Variants in CA10 observed in about 807,000 individuals in gnomAD.
The protein encoded by CA10 is carbonic anhydrase-related protein 10.
Under a neutral mutation model 44.2 loss-of-function variants are expected in CA10, and 14 were observed. The observed-to-expected ratio is 0.32, with a 90% CI of 0.21 to 0.50. The LOEUF is 0.50. Ranked by LOEUF, CA10 falls within the 20% of genes least tolerant of loss-of-function variation. CA10 has a pLI of 0.99. For missense variants in CA10, 350 were observed against 409.7 expected, an observed-to-expected ratio of 0.85 and a Z score of 1.26; for synonymous variants, 159 against 141.6, an observed-to-expected ratio of 1.12 and a Z score of -0.87.
At chr17:51,650,922 A>G (rs183453697) in intron 5 of CA10, among the ~76,000 whole-genome samples, 1 of 152,350 alleles carries the variant, frequency 6.6e-6, no homozygotes, top group East Asian at 1.9e-4. Context: ...TGTACTTGGT[A>G]TAAGTGAGCT....
At chr17:51,900,218 G>A (rs1485294147) in intron 3 of CA10, among the ~76,000 whole-genome samples, 1 of 152,094 alleles carries the variant, frequency 6.6e-6, no homozygotes, top group African/African-American at 2.4e-5. Context: ...TATAAGGCAG[G>A]TCTGGAAGTA....
chr17:51,664,038 G>A (rs1467125884), intron 4 of CA10, among the ~76,000 whole-genome samples: 1 of 152,166 alleles, frequency 6.6e-6, no homozygotes, highest in Non-Finnish European at 1.5e-5. Context: ...TTTGTCCCAT[G>A]AGAACCACTG....
At chr17:51,781,773 C>A (rs909737970) in intron 3 of CA10, among the ~76,000 whole-genome samples, 1 of 152,184 alleles carries the variant, frequency 6.6e-6, no homozygotes, top group Non-Finnish European at 1.5e-5. Context: ...GCTGTTAGAA[C>A]AATCATGACA....
In CA10 at chr17:51,933,521, A is replaced by G. The variant is rs180996281; in HGVS notation, c.137-2389T>C. 2.3e-3 allele frequency among the ~76,000 whole-genome samples: 350 copies of G among 152,232 alleles called. 10 individuals carry two copies. Among genetic ancestry groups the G allele is most frequent in the Admixed American group, 0.02 (308 of 15,290 alleles). On this transcript the variant is annotated intron_variant, in intron 2 of 8. Coordinates refer to ENST00000451037, the MANE Select transcript of CA10 (RefSeq NM_020178.5). ...TAAGGAATATAGGCCTGCTGATACC[A>G]TGATGTTTAACCCCTTGAGAATATA...
At chr17:52,063,726 G>A (rs2191409) in intron 2 of CA10, among the ~76,000 whole-genome samples, 51,121 of 152,006 alleles carry the variant, frequency 0.34, 10,423 homozygotes, top group East Asian at 0.73. Flanking sequence ...AGATGCTGGT[G>A]CCATGCTTCT....
Position 51,631,509 on chromosome 17 carries a change from A to AG in CA10, c.*74dup, listed in dbSNP as rs1283200844. 2.3e-6 allele frequency: 3 copies of AG among 1,301,398 alleles called. No individual in the cohort carries two copies. Among genetic ancestry groups the AG allele is most frequent in the Admixed American group, 1.7e-5 (1 of 58,598 alleles). The allele number at this position is 1,301,398 out of a possible 1,614,324, so 80.6% of individuals were successfully genotyped here. A position where few individuals can be genotyped will look rare whatever the true frequency, so the allele number is the denominator to read the frequency against. On this transcript the variant is annotated 3_prime_UTR_variant, in exon 9 of 9. Coordinates refer to ENST00000451037, the MANE Select transcript of CA10 (RefSeq NM_020178.5). ...GGGAAAGAAGGAGAGAGAAGCAAGAAGGGGGACATTCTAGGTTACGTCAAT... is the reference window on the plus strand; with the variant it reads ...GGGAAAGAAGGAGAGAGAAGCAAGAAGGGGGGACATTCTAGGTTACGTCAAT...
chr17:51,861,920 A>G (rs1357536049), intron 3 of CA10, among the ~76,000 whole-genome samples: 2 of 152,224 alleles, frequency 1.3e-5, no homozygotes, highest in Non-Finnish European at 2.9e-5. Context: ...CTTAAAATGA[A>G]CTATAATGGA....
At chr17:51,788,562 T>C (rs1567839836) in intron 3 of CA10, among the ~76,000 whole-genome samples, 1 of 152,232 alleles carries the variant, frequency 6.6e-6, no homozygotes, top group Non-Finnish European at 1.5e-5. Flanking sequence ...CATTACACAT[T>C]GGATGCATGT....
intron 3 of CA10, among the ~76,000 whole-genome samples, chr17:51,870,974 C>T (rs1979776031): frequency 6.6e-6 from 1 of 150,744 alleles, no homozygotes; most frequent in Non-Finnish European, 1.5e-5. Flanking sequence ...ACCCTTCAGA[C>T]AAAACATTGA....
chr17:52,030,397 G>A (rs1030721488), intron 2 of CA10, among the ~76,000 whole-genome samples: 1 of 152,128 alleles, frequency 6.6e-6, no homozygotes, highest in African/African-American at 2.4e-5. Flanking sequence ...TGGAGAGGAG[G>A]AGGTGGGACA....
chr17:51,640,482 A>G (rs1351387685), intron 6 of CA10, among the ~76,000 whole-genome samples: 1 of 152,120 alleles, frequency 6.6e-6, no homozygotes, highest in African/African-American at 2.4e-5. Context: ...TCATATTTAC[A>G]TTGCTGAGTC....
chr17:52,094,894 T>G (rs1276999481), intron 1 of CA10, among the ~76,000 whole-genome samples: 1 of 152,202 alleles, frequency 6.6e-6, no homozygotes, highest in Admixed American at 6.5e-5. Context: ...TTTGAAAATG[T>G]GTTTGGCCTT....
At chr17:51,817,459 G>C (rs900515207) in intron 3 of CA10, among the ~76,000 whole-genome samples, 2 of 152,094 alleles carry the variant, frequency 1.3e-5, no homozygotes, top group African/African-American at 4.8e-5. Context: ...ATGCATGGCA[G>C]ACTCTTTATG....
At position 51,702,723 on chromosome 17, in the gene CA10, T is replaced by G. The variant is rs139418468; in HGVS notation, c.465+44910A>C. On this transcript the variant is annotated intron_variant, in intron 4 of 8. Transcript: ENST00000451037. ...GAGGGAGGTAGACAGGGAGATCAGG[T>G]CCCTTCTACTCTGGTTCCTGCTCTG... is the stretch of plus-strand genomic sequence containing the variant. 9.4e-3 allele frequency among the ~76,000 whole-genome samples: 1,430 copies of G among 152,188 alleles called. 26 individuals are homozygous for G. The highest frequency in any genetic ancestry group is 0.033 in the African/African-American group (1,366 of 41,518).
chr17:52,120,413 ACCTTATCCTTATCCTTATCCTTAT>A (rs76764541), intron 1 of CA10, among the ~76,000 whole-genome samples: 5,934 of 144,990 alleles, frequency 0.041, 341 homozygotes, highest in African/African-American at 0.12. Context: ...TTCATCCTTA[ACCTTATCCTTATCCTTATCCTTAT>A]CCTTATCCTT....
At chr17:52,115,306 C>T (rs953955441) in intron 1 of CA10, among the ~76,000 whole-genome samples, 3 of 152,166 alleles carry the variant, frequency 2.0e-5, no homozygotes, top group African/African-American at 7.2e-5. Flanking sequence ...TGAGACAAGA[C>T]CTAGATTTTA....
intron 3 of CA10, among the ~76,000 whole-genome samples, chr17:51,754,625 G>GA: frequency 6.6e-6 from 1 of 151,522 alleles, no homozygotes; most frequent in South Asian, 2.1e-4. Context: ...GCCTTCCACT[G>GA]ATTGGATGAG....
At chr17:51,843,453 A>G (rs772041245) in intron 3 of CA10, among the ~76,000 whole-genome samples, 31 of 152,166 alleles carry the variant, frequency 2.0e-4, no homozygotes, top group Non-Finnish European at 3.7e-4. Flanking sequence ...TTGAAGAACA[A>G]ATTTTAGACC....
At chr17:51,819,763 C>T (rs953965875) in intron 3 of CA10, among the ~76,000 whole-genome samples, 1 of 152,310 alleles carries the variant, frequency 6.6e-6, no homozygotes, top group Non-Finnish European at 1.5e-5. Flanking sequence ...CACGGAGGGG[C>T]TTCCAGTCCA....
Sources: gnomAD v4.1 joint callset for allele counts (sites outside exome capture counted in the v4.1 genomes callset) on GRCh38, gnomAD v4.1.1 for gene constraint, MANE v1.5 for transcripts, NCBI Gene and HGNC (gene_info 2026-07-23, HGNC 2026-07-21) for gene names.